CTNNBL1: variants seen among roughly 807,000 people sequenced by gnomAD.
CTNNBL1 encodes the protein catenin beta like 1, also known as beta-catenin-like protein 1.
In CTNNBL1, 31 loss-of-function variants were observed where a neutral mutation model predicts 72.7. That is an observed-to-expected ratio of 0.43 (90% CI 0.32 to 0.58). CTNNBL1 has a LOEUF of 0.58. CTNNBL1 is among the 20% of genes least tolerant of loss of function. The pLI is 0.08. For missense variants in CTNNBL1, 534 were observed against 725.1 expected (o/e 0.74, Z 3.03); for synonymous variants, 240 against 267.3 (o/e 0.90, Z 1.00).
In CTNNBL1 at chr20:37,717,761, G is replaced by A. The variant is rs895017347; in HGVS notation, c.31-15118G>A. Among the ~76,000 whole-genome samples the A allele has an allele frequency of 4.0e-4, 61 of 152,256 alleles. No individual in the cohort carries two copies. In the East Asian group the frequency reaches 9.5e-3, roughly 24 times the overall value. On this transcript the variant is annotated intron_variant, in intron 1 of 15. Transcript: ENST00000361383. Reference sequence around the variant, plus strand: ...TAGGCAGAGGACCCTGCGGCCTTCCGTAGTGTTTGTGTCCCTGGGTACTTG... The same window carrying A: ...TAGGCAGAGGACCCTGCGGCCTTCCATAGTGTTTGTGTCCCTGGGTACTTG...
chr20:37,808,920 A>G (rs1427009613), intron 11 of CTNNBL1, among the ~76,000 whole-genome samples: 1 of 151,980 alleles, frequency 6.6e-6, no homozygotes. Flanking sequence ...GGAAATCAAC[A>G]TGCCATGCTT....
intron 13 of CTNNBL1, among the ~76,000 whole-genome samples, chr20:37,844,508 A>G (rs1255525642): frequency 2.0e-5 from 3 of 152,218 alleles, no homozygotes; most frequent in Non-Finnish European, 2.9e-5. Context: ...ATAGAGGTGC[A>G]ACGGTCTAGT....
At chr20:37,825,162 G>A (rs965809674) in intron 11 of CTNNBL1, among the ~76,000 whole-genome samples, 2 of 152,124 alleles carry the variant, frequency 1.3e-5, no homozygotes, top group African/African-American at 2.4e-5. Flanking sequence ...AGACCAGCCT[G>A]GTCAACATGG....
intron 1 of CTNNBL1, among the ~76,000 whole-genome samples, chr20:37,728,140 A>G (rs1433746192): frequency 1.3e-5 from 2 of 152,190 alleles, no homozygotes; most frequent in African/African-American, 2.4e-5. Flanking sequence ...GTTCAGTACT[A>G]TAGCCACTGG....
intron 11 of CTNNBL1, among the ~76,000 whole-genome samples, chr20:37,831,333 T>C (rs141929923): frequency 6.7e-6 from 1 of 148,802 alleles, no homozygotes; most frequent in African/African-American, 2.5e-5. Context: ...GTGTACTCTA[T>C]TGTAATTGTT....
intron 1 of CTNNBL1, among the ~76,000 whole-genome samples, chr20:37,713,199 G>C (rs1400071548): frequency 6.6e-6 from 1 of 152,190 alleles, no homozygotes. Context: ...GAAAAAGATG[G>C]CATGTGCCTC....
chr20:37,783,097 GAC>G (rs1157057508), intron 10 of CTNNBL1, among the ~76,000 whole-genome samples: 3 of 152,124 alleles, frequency 2.0e-5, no homozygotes, highest in Admixed American at 6.5e-5. Flanking sequence ...TTTTGGCAGA[GAC>G]AGGATTTCAC....
intron 7 of CTNNBL1, 110 bp downstream of exon 7, chr20:37,768,154 G>T: frequency 1.2e-6 from 1 of 840,762 alleles, no homozygotes; most frequent in South Asian, 1.7e-5. Flanking sequence ...TCTAGTTTGG[G>T]AAGCTTCTGG....
chr20:37,776,497 T>G (rs958909642), intron 7 of CTNNBL1, among the ~76,000 whole-genome samples: 1 of 152,218 alleles, frequency 6.6e-6, no homozygotes, highest in Admixed American at 6.5e-5. Context: ...TGCTGCTGAT[T>G]AATAATCATT....
rs562624089 is a variant in CTNNBL1 at position 37,738,149 on chromosome 20, G to A, written c.326+665G>A. Among the ~76,000 whole-genome samples the A allele has an allele frequency of 5.3e-5, 8 of 152,308 alleles. No individual in the cohort carries two copies. The East Asian group carries it at 7.7e-4, about 15-fold the overall frequency. The stretch of plus-strand genomic sequence containing the variant: ...CCAAAGAAGACTGATCGTGCCTGCC[G>A]TTAGTGATAGCTTTACTGTGGAGAT... On this transcript the variant is annotated intron_variant, in intron 3 of 15. Transcript: ENST00000361383.
At chr20:37,733,088 G>A in intron 2 of CTNNBL1, 21 bp downstream of exon 2, 2 of 1,608,256 alleles carry the variant, frequency 1.2e-6, no homozygotes, top group Non-Finnish European at 1.7e-6. Context: ...AGCGCTGGGT[G>A]GGAGCTGAGA....
intron 11 of CTNNBL1, among the ~76,000 whole-genome samples, chr20:37,821,344 A>G (rs2072105617): frequency 6.6e-6 from 1 of 152,224 alleles, no homozygotes; most frequent in Admixed American, 6.5e-5. Flanking sequence ...GTGGGGGTGG[A>G]TAGGAATCCC....
chr20:37,830,658 A>C (rs959526117), intron 11 of CTNNBL1, among the ~76,000 whole-genome samples: 3 of 152,192 alleles, frequency 2.0e-5, no homozygotes, highest in Non-Finnish European at 2.9e-5. Context: ...GTTATGTCCC[A>C]AAAAACCCAT....
chr20:37,762,073 C>G (rs1266064580), intron 5 of CTNNBL1, among the ~76,000 whole-genome samples: 1 of 152,142 alleles, frequency 6.6e-6, no homozygotes, highest in Non-Finnish European at 1.5e-5. Context: ...GTGTCATAGC[C>G]TGACAGCATT....
intron 11 of CTNNBL1, among the ~76,000 whole-genome samples, chr20:37,836,830 T>C (rs2072258444): frequency 1.3e-5 from 2 of 152,188 alleles, no homozygotes; most frequent in South Asian, 2.1e-4. Flanking sequence ...CCTCGGTTTT[T>C]CCATCATACA....
At chr20:37,717,761 G>T (rs895017347) in intron 1 of CTNNBL1, among the ~76,000 whole-genome samples, 3 of 152,262 alleles carry the variant, frequency 2.0e-5, no homozygotes, top group African/African-American at 7.2e-5. Flanking sequence ...GCGGCCTTCC[G>T]TAGTGTTTGT....
chr20:37,718,425 C>A (rs550001220), intron 1 of CTNNBL1, among the ~76,000 whole-genome samples: 1 of 140,068 alleles, frequency 7.1e-6, no homozygotes, highest in Non-Finnish European at 1.6e-5. Flanking sequence ...GACCCCCCCA[C>A]CTCCCTCCCG....
intron 11 of CTNNBL1, among the ~76,000 whole-genome samples, chr20:37,821,180 A>G (rs987636742): frequency 6.6e-6 from 1 of 151,980 alleles, no homozygotes; most frequent in Non-Finnish European, 1.5e-5. Context: ...CCCTCATCCT[A>G]CTTCCTCCTT....
intron 4 of CTNNBL1, among the ~76,000 whole-genome samples, chr20:37,754,456 G>C (rs2073346862): frequency 1.3e-5 from 2 of 151,996 alleles, no homozygotes; most frequent in Admixed American, 1.3e-4. Context: ...CACAGTGGGT[G>C]GATGGGTGGA....
Sources: gnomAD v4.1 joint callset for allele counts (sites outside exome capture counted in the v4.1 genomes callset) on GRCh38, gnomAD v4.1.1 for gene constraint, MANE v1.5 for transcripts, NCBI Gene and HGNC (gene_info 2026-07-23, HGNC 2026-07-21) for gene names.